The following CUX1 variants were observed in gnomAD, a reference collection of about 807,000 sequenced individuals.
CUX1 encodes cut like homeobox 1, also known as protein CASP.
Under a neutral mutation model 158.8 loss-of-function variants are expected in CUX1, and 31 were observed. That is an observed-to-expected ratio of 0.20 (90% CI 0.15 to 0.26). The LOEUF (loss-of-function observed/expected upper bound fraction) is 0.26, where lower values mean the gene tolerates loss of function less well. CUX1 is among the 10% of genes least tolerant of loss of function. The pLI is 1.00. For missense variants in CUX1, 1,589 were observed against 2,014.6 expected (o/e 0.79, Z 4.04); for synonymous variants, 879 against 862.1 (o/e 1.02, Z -0.34).
In CUX1 at chr7:102,082,324, C is replaced by T. The variant is rs1489947894; in HGVS notation, c.268+11907C>T. On this transcript the variant is annotated intron_variant, in intron 4 of 23. Coordinates refer to ENST00000292535, the MANE Select transcript of CUX1 (RefSeq NM_181552.4). The stretch of plus-strand genomic sequence containing the variant: ...GGCGGATCACCTGAGGTCAGGAGTT[C>T]GAGACCAGCCTGGCCAACATGGTGA... Among the ~76,000 whole-genome samples, 7 of 146,494 alleles carry T rather than the reference C, an allele frequency of 4.8e-5. 1 individual carries two copies. Among genetic ancestry groups the T allele is most frequent in the South Asian group, 2.2e-4 (1 of 4,526 alleles).
At chr7:101,986,937 TGG>T (rs34253202) in intron 2 of CUX1, among the ~76,000 whole-genome samples, 1 of 152,078 alleles carries the variant, frequency 6.6e-6, no homozygotes, top group African/African-American at 2.4e-5. Flanking sequence ...CTGGAAGCCG[TGG>T]GGATGTGGTC....
intron 1 of CUX1, among the ~76,000 whole-genome samples, chr7:101,825,049 A>G (rs545244510): frequency 2.0e-5 from 3 of 152,340 alleles, no homozygotes; most frequent in East Asian, 3.9e-4. Context: ...TTTCTGCTGC[A>G]TACAGTTCTG....
intron 12 of CUX1, among the ~76,000 whole-genome samples, chr7:102,190,301 A>G (rs782547366): frequency 2.0e-5 from 3 of 152,114 alleles, no homozygotes; most frequent in African/African-American, 4.8e-5. Flanking sequence ...TCCAAACTCT[A>G]TTCTCCATCT....
intron 1 of CUX1, among the ~76,000 whole-genome samples, chr7:101,915,822 G>C (rs1338359051): frequency 6.6e-6 from 1 of 152,188 alleles, no homozygotes; most frequent in African/African-American, 2.4e-5. Context: ...ATGTTTCTGT[G>C]TATTCTGTTA....
At chr7:102,000,314 C>T (rs770201857) in intron 2 of CUX1, among the ~76,000 whole-genome samples, 11 of 152,262 alleles carry the variant, frequency 7.2e-5, no homozygotes, top group South Asian at 2.1e-4. Context: ...TGCTTCTGGA[C>T]GCTAGCACTA....
At chr7:102,193,016 AC>A (rs1794443501) in intron 12 of CUX1, among the ~76,000 whole-genome samples, 1 of 152,200 alleles carries the variant, frequency 6.6e-6, no homozygotes, top group African/African-American at 2.4e-5. Flanking sequence ...GGGAGAAGTC[AC>A]CTTCTCTTGC....
At chr7:102,203,260 T>A (rs1279834165) in intron 18 of CUX1, among the ~76,000 whole-genome samples, 1 of 152,098 alleles carries the variant, frequency 6.6e-6, no homozygotes, top group African/African-American at 2.4e-5. Flanking sequence ...GAGTGCTGAA[T>A]AGAAGGAGAA....
intron 1 of CUX1, among the ~76,000 whole-genome samples, chr7:101,894,864 T>C (rs993836317): frequency 9.9e-5 from 15 of 151,978 alleles, no homozygotes; most frequent in Admixed American, 8.5e-4. Flanking sequence ...CCTGGTTTGA[T>C]TGTTGAACTA....
chr7:101,895,428 A>G (rs187923590), intron 1 of CUX1, among the ~76,000 whole-genome samples: 1 of 152,120 alleles, frequency 6.6e-6, no homozygotes, highest in African/African-American at 2.4e-5. Flanking sequence ...GGACCCTGGC[A>G]TGGGGAAGAG....
chr7:101,968,455 C>T (rs1811496744), intron 2 of CUX1, among the ~76,000 whole-genome samples: 1 of 152,092 alleles, frequency 6.6e-6, no homozygotes, highest in African/African-American at 2.4e-5. Flanking sequence ...CGTGGTCTCG[C>T]CCTGTTGCCC....
chr7:102,198,746 G>A (rs1218607935), intron 15 of CUX1, 56 bp from the exon 16 acceptor site: 20 of 1,510,098 alleles, frequency 1.3e-5, no homozygotes, highest in East Asian at 1.1e-4. Flanking sequence ...AGCCCATATC[G>A]TCAACACCAC....
chr7:102,194,129 A>AC, intron 13 of CUX1: 1 of 584,670 alleles, frequency 1.7e-6, no homozygotes, highest in East Asian at 2.8e-5. Context: ...CTGGGGATGA[A>AC]CAAGGGATTG....
chr7:102,132,328 C>CACGCACGCGCGCGCACG (rs1379227055), intron 8 of CUX1, among the ~76,000 whole-genome samples: 3 of 1,362 alleles, frequency 2.2e-3, no homozygotes, highest in Non-Finnish European at 0.012. Flanking sequence ...CGCGCGCACG[C>CACGCACGCGCGCGCACG]CACGCACACA....
intron 3 of CUX1, among the ~76,000 whole-genome samples, chr7:102,032,573 G>A (rs1458982955): frequency 6.6e-6 from 1 of 152,088 alleles, no homozygotes; most frequent in Non-Finnish European, 1.5e-5. Flanking sequence ...GGAGGCTGAG[G>A]CATGAGAATC....
At chr7:102,126,068 C>T (rs1348539854) in intron 8 of CUX1, among the ~76,000 whole-genome samples, 2 of 151,914 alleles carry the variant, frequency 1.3e-5, no homozygotes, top group African/African-American at 4.8e-5. Context: ...GGCTGGAGTA[C>T]AGTGGTGCGA....
At chr7:102,212,341 C>A (rs905741715) in intron 20 of CUX1, among the ~76,000 whole-genome samples, 1 of 152,016 alleles carries the variant, frequency 6.6e-6, no homozygotes, top group Non-Finnish European at 1.5e-5. Flanking sequence ...AGGCTGCCAG[C>A]ACCGCCCCAG....
At chr7:101,992,535 C>G (rs1191260789) in intron 2 of CUX1, among the ~76,000 whole-genome samples, 2 of 152,082 alleles carry the variant, frequency 1.3e-5, no homozygotes, top group Non-Finnish European at 2.9e-5. Context: ...TGCCCCATGC[C>G]CAGCAAGTTG....
intron 12 of CUX1, among the ~76,000 whole-genome samples, chr7:102,190,487 A>G (rs371249323): frequency 1.3e-5 from 2 of 151,966 alleles, no homozygotes; most frequent in East Asian, 1.9e-4. Flanking sequence ...CCCCACATCC[A>G]TAATGCTCCA....
At chr7:102,044,332 G>T (rs1352081840) in intron 3 of CUX1, among the ~76,000 whole-genome samples, 1 of 152,038 alleles carries the variant, frequency 6.6e-6, no homozygotes, top group Non-Finnish European at 1.5e-5. Flanking sequence ...TGGGGTTACA[G>T]GTGTGTGCCA....
Sources: allele counts gnomAD v4.1 joint callset (sites outside exome capture counted in the v4.1 genomes callset), GRCh38; gene constraint gnomAD v4.1.1; transcripts MANE v1.5; gene names NCBI Gene and HGNC (gene_info 2026-07-23, HGNC 2026-07-21).